The following RGMA variants were observed in gnomAD, a reference collection of about 807,000 sequenced individuals.
RGMA encodes repulsive guidance molecule A.
In RGMA, 10 loss-of-function variants were observed where a neutral mutation model predicts 23.2. That is an observed-to-expected ratio of 0.43 (90% CI 0.27 to 0.73). The LOEUF is 0.73. RGMA is among the 30% of genes least tolerant of loss of function. The pLI is 0.20. For missense variants in RGMA, 547 were observed against 630.5 expected (o/e 0.87, Z 1.42); for synonymous variants, 308 against 279.3 (o/e 1.10, Z -1.03).
In RGMA at chr15:93,045,209, T is replaced by C. The variant is rs1458821888; in HGVS notation, c.1142A>G (p.Asp381Gly). 2 of 1,610,876 alleles carry C rather than the reference T, an allele frequency of 1.2e-6. No individual in the cohort carries two copies. The highest frequency in any genetic ancestry group is 1.7e-6 in the Non-Finnish European group (2 of 1,178,854). ...GTTCACGTCGCCCGTGGTGAGGAGG[T>C]CGAAGACGCAGGCCTGGTAGTACAG... The part of the protein sequence containing the change: ...EDLYYQACVF[D>G]LLTTGDVNFT... Residue 381 changes from aspartate (D) to glycine (G), a missense_variant, in exon 4 of 4, where the codon GAC (aspartate) becomes GGC (glycine). Transcript: ENST00000329082. This position sits in a 1 kb window ranked among gnomAD's most constrained non-coding sequence, Gnocchi z 6.9.
chr15:93,056,607 G>T (rs1378184416), intron 2 of RGMA, among the ~76,000 whole-genome samples: 1 of 152,178 alleles, frequency 6.6e-6, no homozygotes, highest in Non-Finnish European at 1.5e-5. Context: ...CGACTCCTCT[G>T]TAGGCTTCAG....
chr15:93,051,741 T>C lies in RGMA; in HGVS notation c.645+252A>G, dbSNP rs148409046. On this transcript the variant is annotated intron_variant, in intron 3 of 3. Coordinates refer to ENST00000329082, the MANE Select transcript of RGMA (RefSeq NM_020211.3). ...TACGCACTTGGGGTGGGAAGGTCAC[T>C]TGGCCTCTTAGAGCATCAGGCTCCC... is the stretch of plus-strand genomic sequence containing the variant. 6.3e-3 allele frequency among the ~76,000 whole-genome samples: 965 copies of C among 152,352 alleles called. 8 individuals are homozygous for C. Among genetic ancestry groups the C allele is most frequent in the African/African-American group, 0.022 (916 of 41,572 alleles).
intron 1 of RGMA, among the ~76,000 whole-genome samples, chr15:93,083,559 G>T (rs2141849358): frequency 6.6e-6 from 1 of 152,266 alleles, no homozygotes; most frequent in East Asian, 1.9e-4. Context: ...GAACTCCTGA[G>T]ATGAAGCAGT....
intron 2 of RGMA, among the ~76,000 whole-genome samples, chr15:93,055,391 A>C (rs2054997071): frequency 6.6e-6 from 1 of 152,168 alleles, no homozygotes; most frequent in Admixed American, 6.5e-5. Context: ...GCTCCGTCCC[A>C]GGTCCGGTGC....
intron 3 of RGMA, among the ~76,000 whole-genome samples, chr15:93,050,383 C>T (rs1378966065): frequency 1.3e-5 from 2 of 152,212 alleles, no homozygotes; most frequent in African/African-American, 2.4e-5. Flanking sequence ...CAGTCTGGCC[C>T]GAGTTCTGAG....
At chr15:93,051,921 A>G in intron 3 of RGMA, 72 bp downstream of exon 3, 1 of 1,448,478 alleles carries the variant, frequency 6.9e-7, no homozygotes, top group South Asian at 1.3e-5. Flanking sequence ...AGGCCCTCTC[A>G]GCCTCTCAGT....
intron 2 of RGMA, among the ~76,000 whole-genome samples, chr15:93,064,880 G>A (rs1895089364): frequency 6.6e-6 from 1 of 152,130 alleles, no homozygotes; most frequent in Non-Finnish European, 1.5e-5. Context: ...CTAGATCCTT[G>A]GAAAATGCAT....
chr15:93,047,517 C>T (rs541646653), intron 3 of RGMA, among the ~76,000 whole-genome samples: 44 of 152,264 alleles, frequency 2.9e-4, no homozygotes, highest in Admixed American at 6.5e-4. Context: ...CTCCCAGGCC[C>T]GGCAACTACC....
At chr15:93,077,110 T>C (rs1054402671) in intron 1 of RGMA, among the ~76,000 whole-genome samples, 3 of 152,128 alleles carry the variant, frequency 2.0e-5, no homozygotes, top group Non-Finnish European at 2.9e-5. Context: ...CAAAGTGTGC[T>C]TTACCTGAGG....
At chr15:93,058,622 C>T (rs546800845) in intron 2 of RGMA, among the ~76,000 whole-genome samples, 84 of 152,186 alleles carry the variant, frequency 5.5e-4, no homozygotes, top group Non-Finnish European at 6.9e-4. Context: ...GACTTGTTAT[C>T]CTCATTCAAC....
intron 1 of RGMA, among the ~76,000 whole-genome samples, chr15:93,080,647 C>T (rs1302884617): frequency 1.3e-5 from 2 of 152,230 alleles, no homozygotes; most frequent in African/African-American, 4.8e-5. Context: ...TTGACCTCTG[C>T]TGCCCCAGGC....
rs372231476 is a variant in RGMA, at chr15:93,074,594, G to A, written c.15-1563C>T. 1.6e-4 allele frequency among the ~76,000 whole-genome samples: 25 copies of A among 152,316 alleles called. No homozygotes were observed. In the East Asian group the frequency reaches 2.9e-3, roughly 18 times the overall value. On this transcript the variant is annotated intron_variant, in intron 1 of 3. Transcript: ENST00000329082. ...TCACTGTGTTTCCCTGAAATATTGA[G>A]GTCTCAGATCGACAAGCTCTAAATA...
At chr15:93,070,441 C>G (rs1265909444) in intron 2 of RGMA, among the ~76,000 whole-genome samples, 1 of 152,164 alleles carries the variant, frequency 6.6e-6, no homozygotes, top group African/African-American at 2.4e-5. Context: ...CTTCCACTTG[C>G]TGGGGCTTTA....
chr15:93,088,580 C>T, intron 1 of RGMA: 1 of 1,057,244 alleles, frequency 9.5e-7, no homozygotes, highest in Non-Finnish European at 1.1e-6. Context: ...GTCGGGTGGC[C>T]GGCTCCGTCC....
chr15:93,073,941 C>T, intron 1 of RGMA: 2 of 1,430,420 alleles, frequency 1.4e-6, no homozygotes, highest in African/African-American at 1.4e-5. Flanking sequence ...TGGTTTGGCG[C>T]TCTCTGCGAG....
At chr15:93,046,496 G>C (rs2054826770) in intron 3 of RGMA, among the ~76,000 whole-genome samples, 1 of 152,176 alleles carries the variant, frequency 6.6e-6, no homozygotes, top group Non-Finnish European at 1.5e-5. Flanking sequence ...ATTTGCTACA[G>C]TGGCGATAGG....
chr15:93,052,486 A>T lies in RGMA; in HGVS notation c.152T>A (p.Leu51His). The change falls in exon 3 of 4, where the codon CTC (leucine) becomes CAC (histidine). Residue 51 changes from leucine (L) to histidine (H), a missense_variant. Around this residue, in one of 3 missense-constraint regions of RGMA, gnomAD observed 214 missense variants for 234.7 expected, o/e 0.91. Coordinates refer to ENST00000329082, the MANE Select transcript of RGMA (RefSeq NM_020211.3). ...GCTCCAGAACTCAGAGTTGCACTTG[A>T]GGATCTTGCACGGGGAGGTGGCTGA... is the stretch of plus-strand genomic sequence containing the variant. ...FPAATSPCKI[L>H]KCNSEFWSAT... 2 of 1,577,196 alleles carry T rather than the reference A, an allele frequency of 1.3e-6. No individual in the cohort carries two copies. The highest frequency in any genetic ancestry group is 1.7e-6 in the Non-Finnish European group (2 of 1,163,046).
intron 3 of RGMA, among the ~76,000 whole-genome samples, chr15:93,048,629 C>T (rs575683035): frequency 3.3e-4 from 51 of 152,298 alleles, no homozygotes; most frequent in African/African-American, 1.2e-3. Flanking sequence ...GCTGCAGCCT[C>T]TCCATCCAGC....
At chr15:93,078,637 C>T (rs1479356094) in intron 1 of RGMA, among the ~76,000 whole-genome samples, 1 of 152,170 alleles carries the variant, frequency 6.6e-6, no homozygotes, top group Non-Finnish European at 1.5e-5. Context: ...CACACTAAAA[C>T]CCTTAAGGTA....
Sources: gnomAD v4.1 joint callset for allele counts (sites outside exome capture counted in the v4.1 genomes callset) on GRCh38, gnomAD v4.1.1 for gene constraint, gnomAD v4.1.1 regional missense constraint, Gnocchi (gnomAD v3.1) non-coding constraint, MANE v1.5 for transcripts, NCBI Gene and HGNC (gene_info 2026-07-23, HGNC 2026-07-21) for gene names.